Variants in UTP20 observed in about 807,000 individuals in gnomAD.
The protein encoded by UTP20 is UTP20 small subunit processome component.
A neutral mutation model predicts 329.5 loss-of-function variants in UTP20; 164 were observed. The observed-to-expected ratio is 0.50, with a 90% CI of 0.44 to 0.57. UTP20 has a LOEUF of 0.57. UTP20 is among the 20% of genes least tolerant of loss of function. The probability of loss-of-function intolerance (pLI) is 0.00; values close to 1 mark genes in which losing one functional copy is unlikely to be tolerated. For missense variants in UTP20, 3,055 were observed against 3,284.2 expected (o/e 0.93, Z 1.71); for synonymous variants, 1,151 against 1,159.3 (o/e 0.99, Z 0.14).
intron 60 of UTP20, among the ~76,000 whole-genome samples, chr12:101,384,246 T>A (rs1870753097): frequency 6.6e-6 from 1 of 152,170 alleles, no homozygotes; most frequent in Non-Finnish European, 1.5e-5. Context: ...TACATTCTCA[T>A]CTTAAAAATT....
intron 12 of UTP20, among the ~76,000 whole-genome samples, chr12:101,298,467 GT>G (rs1872427966): frequency 6.6e-6 from 1 of 152,118 alleles, no homozygotes; most frequent in Admixed American, 6.5e-5. Flanking sequence ...AGCTCAGCAT[GT>G]TTGAAGTACA....
At chr12:101,291,164 G>T (rs888729163) in intron 8 of UTP20, 1 of 281,948 alleles carries the variant, frequency 3.5e-6, no homozygotes, top group African/African-American at 2.2e-5. Context: ...AAAATTATTT[G>T]AAATCTCGAT....
intron 25 of UTP20, among the ~76,000 whole-genome samples, chr12:101,321,911 CT>C (rs1005535599): frequency 1.3e-4 from 20 of 150,570 alleles, no homozygotes; most frequent in African/African-American, 3.7e-4. Context: ...CCGCCAGCTG[CT>C]TTTTTTTTGA....
At chr12:101,328,826 C>T (rs1868652829) in intron 26 of UTP20, among the ~76,000 whole-genome samples, 1 of 151,060 alleles carries the variant, frequency 6.6e-6, no homozygotes, top group Admixed American at 6.6e-5. Flanking sequence ...CCGAGATCGC[C>T]CCAGTGCACT....
At chr12:101,316,641 T>C (rs950853550) in intron 21 of UTP20, among the ~76,000 whole-genome samples, 2 of 152,160 alleles carry the variant, frequency 1.3e-5, no homozygotes, top group African/African-American at 4.8e-5. Flanking sequence ...CTCAAACATG[T>C]TATTTTATCA....
At position 101,305,951 on chromosome 12, in the gene UTP20, T is replaced by C. The variant is rs368735102; in HGVS notation, c.1818T>C (p.Thr606=). 13 of 1,612,658 alleles carry C rather than the reference T, an allele frequency of 8.1e-6. No homozygotes were observed. The highest frequency in any genetic ancestry group is 6.7e-5 in the African/African-American group (5 of 74,878). ...FPLEPSVLLL[T]DLYYQRLALC... is the part of the protein sequence containing the mutation. ...TGGAGCCATCTGTGTTGCTGTTGAC[T>C]GATCTCTATTATCAGAGATTAGCCT... Residue 606 remains threonine (T), a synonymous_variant, in exon 16 of 62, where the codon ACT becomes ACC. Coordinates refer to ENST00000261637, the MANE Select transcript of UTP20 (RefSeq NM_014503.3).
chr12:101,280,838 A>C (rs992014624), intron 1 of UTP20, among the ~76,000 whole-genome samples: 3 of 152,158 alleles, frequency 2.0e-5, no homozygotes, highest in African/African-American at 7.2e-5. Context: ...AACCTAATAG[A>C]TCTAGCGAGA....
In UTP20 at chr12:101,352,146, T is replaced by C. The variant is rs1443914250; in HGVS notation, c.4976T>C (p.Phe1659Ser). ...WSAYMYYLKHFIHVLQTGQIN... is the reference protein window; with the variant it reads ...WSAYMYYLKHSIHVLQTGQIN... The stretch of plus-strand genomic sequence containing the variant: ...GCGTATATGTATTACTTGAAACATT[T>C]CATTCATGTCTTACAAACGGGACAG... The change falls in exon 39 of 62, where the codon TTC becomes TCC. Residue 1659 changes from phenylalanine (F) to serine (S), a missense_variant. Phe to Ser is a radical substitution (Grantham distance 155). This residue lies in a region of UTP20 where 2,445 missense variants were observed against 2,575.5 expected (regional missense o/e 0.95). Transcript: ENST00000261637. 2 of 1,613,856 alleles carry C rather than the reference T, an allele frequency of 1.2e-6. No individual in the cohort carries two copies. Among genetic ancestry groups the C allele is most frequent in the South Asian group, 1.1e-5 (1 of 90,896 alleles).
chr12:101,285,936 A>G (rs1418168064), intron 4 of UTP20, 55 bp downstream of exon 4: 3 of 1,591,436 alleles, frequency 1.9e-6, no homozygotes, highest in Admixed American at 1.8e-5. Flanking sequence ...ATTTTAAGAA[A>G]GATTGTGTTT....
intron 10 of UTP20, 27 bp from the exon 11 acceptor site, chr12:101,293,141 C>T: frequency 6.2e-7 from 1 of 1,604,760 alleles, no homozygotes; most frequent in Non-Finnish European, 8.5e-7. Flanking sequence ...TGTGTACTTA[C>T]ATTAATATTT....
At position 101,333,251 on chromosome 12, in the gene UTP20, A is replaced by G. The variant is rs1017122557; in HGVS notation, c.3418-50A>G. The G allele has an allele frequency of 1.0e-5, 16 of 1,575,782 alleles. No individual in the cohort carries two copies. The African/African-American group carries it at 2.2e-4, about 21-fold the overall frequency. ...AGAGTGCCTCTCTGAGGAATCAGGG[A>G]TAAAAATGATACATATGTATTTTTT... On this transcript the variant is annotated intron_variant, in intron 27 of 61. Coordinates refer to ENST00000261637, the MANE Select transcript of UTP20 (RefSeq NM_014503.3).
chr12:101,331,252 G>A (rs900512549), intron 27 of UTP20, among the ~76,000 whole-genome samples: 3 of 152,170 alleles, frequency 2.0e-5, no homozygotes, highest in Admixed American at 2.0e-4. Context: ...CATGCAGATT[G>A]TACCCAATGG....
At chr12:101,324,152 T>C (rs10219745) in intron 25 of UTP20, among the ~76,000 whole-genome samples, 1 of 108,434 alleles carries the variant, frequency 9.2e-6, no homozygotes, top group Non-Finnish European at 2.3e-5. Context: ...AATAAAAAAA[T>C]AAATAAATAA....
intron 25 of UTP20, among the ~76,000 whole-genome samples, chr12:101,323,863 C>T (rs1868460400): frequency 6.6e-6 from 1 of 152,108 alleles, no homozygotes; most frequent in East Asian, 1.9e-4. Context: ...GCTGGACGCC[C>T]CCTGGTGGCT....
chr12:101,359,154 C>A (rs1869826091), intron 43 of UTP20, among the ~76,000 whole-genome samples: 1 of 152,138 alleles, frequency 6.6e-6, no homozygotes, highest in Admixed American at 6.6e-5. Flanking sequence ...ACCTCCACTT[C>A]TCGGGTTCAA....
chr12:101,383,267 G>C lies in UTP20; in HGVS notation c.7883G>C (p.Arg2628Pro). The part of the protein sequence containing the change: ...TLLWLIQKLS[R>P]IAKLEAAYSP... ...CTGTGGTTGATCCAGAAGCTGTCCC[G>C]GATTGCAAAACTGGAAGCTGCTTAT... Residue 2628 changes from arginine (R) to proline (P), a missense_variant, in exon 59 of 62, where the codon CGG becomes CCG. This residue lies in a region of UTP20 where 337 missense variants were observed against 345.5 expected (regional missense o/e 0.98). Coordinates refer to ENST00000261637, the MANE Select transcript of UTP20 (RefSeq NM_014503.3). 10 of 1,614,026 alleles carry C rather than the reference G, an allele frequency of 6.2e-6. No individual in the cohort carries two copies. Among genetic ancestry groups the C allele is most frequent in the African/African-American group, 1.3e-5 (1 of 74,988 alleles).
rs1230311746 is a variant in UTP20, at chr12:101,368,761, G to A, written c.6384+785G>A. Among the ~76,000 whole-genome samples the A allele has an allele frequency of 3.3e-5, 5 of 152,164 alleles. No individual in the cohort carries two copies. The South Asian group carries it at 6.2e-4, about 19-fold the overall frequency. On this transcript the variant is annotated intron_variant, in intron 48 of 61. Transcript: ENST00000261637. ...GTTTTATAAATGAGAAAATTAGGGC[G>A]AGGGCCTAGGTACAGATCTAGGCTA...
rs145215532 is a variant in UTP20 at position 101,385,621 on chromosome 12, T to C, written c.8095T>C (p.Leu2699=). Residue 2699 remains leucine, a synonymous_variant, in exon 61 of 62, where the codon TTA becomes CTA. Coordinates refer to ENST00000261637, the MANE Select transcript of UTP20 (RefSeq NM_014503.3). ...LKNLSQEIIE[L]LKKLVGLESF... Reference sequence around the variant, plus strand: ...GAATCTATCCCAGGAAATCATAGAATTACTCAAAAAGCTGGTTGGGCTTGA... The same window carrying C: ...GAATCTATCCCAGGAAATCATAGAACTACTCAAAAAGCTGGTTGGGCTTGA... 7.2e-4 allele frequency: 1,169 copies of C among 1,613,940 alleles called. 1 individual carries two copies. The highest frequency in any genetic ancestry group is 9.1e-4 in the Non-Finnish European group (1,070 of 1,179,988).
At position 101,312,188 on chromosome 12, in the gene UTP20, T is replaced by G. The variant is rs767907847; in HGVS notation, c.2464T>G (p.Phe822Val). The change falls in exon 21 of 62, where the codon TTC becomes GTC. Residue 822 changes from phenylalanine (F) to valine (V), a missense_variant. By Grantham distance (50) the Phe-to-Val change is conservative. Transcript: ENST00000261637. ...AAGACTTGACCACACCAACTTCAGA[T>G]TCCTGCTCTGGAGAGCTCTGACCAA... ...QERLDHTNFR[F>V]LLWRALTKFP... 7.4e-6 allele frequency: 12 copies of G among 1,614,082 alleles called. No homozygotes were observed. The highest frequency in any genetic ancestry group is 9.3e-6 in the Non-Finnish European group (11 of 1,180,032).
Sources: allele counts gnomAD v4.1 joint callset (sites outside exome capture counted in the v4.1 genomes callset), GRCh38; gene constraint gnomAD v4.1.1; regional missense constraint gnomAD v4.1.1; transcripts MANE v1.5; gene names NCBI Gene and HGNC (gene_info 2026-07-23, HGNC 2026-07-21).